The following DOCK9 variants were observed in gnomAD, a reference collection of about 807,000 sequenced individuals.
The protein encoded by DOCK9 is dedicator of cytokinesis 9.
In DOCK9, 89 loss-of-function variants were observed where a neutral mutation model predicts 263.3. The ratio of observed to expected loss-of-function variants is 0.34; its 90% CI spans 0.28 to 0.40. The LOEUF is 0.40. Ranked by LOEUF, DOCK9 falls within the 10% of genes least tolerant of loss-of-function variation. DOCK9 has a pLI of 1.00. For missense variants in DOCK9, 2,140 were observed against 2,603.4 expected, an observed-to-expected ratio of 0.82 and a Z score of 3.87; for synonymous variants, 976 against 973.1, an observed-to-expected ratio of 1.00 and a Z score of -0.06.
chr13:99,080,573 C>T (rs1223756800), intron 1 of DOCK9, among the ~76,000 whole-genome samples: 1 of 152,224 alleles, frequency 6.6e-6, no homozygotes, highest in African/African-American at 2.4e-5. Context: ...TTGCCCAAGC[C>T]GCTCTGCTCC....
intron 9 of DOCK9, among the ~76,000 whole-genome samples, chr13:98,905,073 T>C (rs927761306): frequency 6.6e-6 from 1 of 152,002 alleles, no homozygotes; most frequent in Non-Finnish European, 1.5e-5. Context: ...CCTGGCTGAA[T>C]GAAAAGGATG....
At chr13:98,867,367 T>C in intron 30 of DOCK9, 58 bp downstream of exon 30, 2 of 963,058 alleles carry the variant, frequency 2.1e-6, no homozygotes, top group Non-Finnish European at 3.2e-6. Context: ...TTATCTTTTC[T>C]TATTGAAAAT....
chr13:98,928,010 A>C (rs993051239), intron 3 of DOCK9, among the ~76,000 whole-genome samples: 23 of 105,728 alleles, frequency 2.2e-4, no homozygotes, highest in East Asian at 1.5e-3. Context: ...CATACAAAAA[A>C]AAAAAAAAAC....
intron 45 of DOCK9, among the ~76,000 whole-genome samples, chr13:98,811,987 G>A (rs1166895903): frequency 5.9e-5 from 9 of 152,010 alleles, no homozygotes; most frequent in Non-Finnish European, 1.2e-4. Flanking sequence ...AATACCATTC[G>A]ATGAGAGACT....
intron 9 of DOCK9, among the ~76,000 whole-genome samples, chr13:98,910,235 C>T (rs1462225036): frequency 6.6e-6 from 1 of 152,124 alleles, no homozygotes; most frequent in African/African-American, 2.4e-5. Context: ...TATGTTACTC[C>T]TTGACTTTCT....
chr13:99,003,591 C>A (rs1027980004), intron 1 of DOCK9, among the ~76,000 whole-genome samples: 1 of 152,198 alleles, frequency 6.6e-6, no homozygotes, highest in Non-Finnish European at 1.5e-5. Context: ...TCCATTCCTT[C>A]AGTGCTCCCA....
At chr13:98,823,906 G>A (rs918696068) in intron 45 of DOCK9, among the ~76,000 whole-genome samples, 2 of 152,180 alleles carry the variant, frequency 1.3e-5, no homozygotes, top group African/African-American at 4.8e-5. Context: ...TAGGACCTGC[G>A]CCACAGCACA....
At position 98,829,269 on chromosome 13, in the gene DOCK9, T is replaced by C. The variant is rs1223239199; in HGVS notation, c.4965+38A>G. On this transcript the variant is annotated intron_variant, in intron 43 of 52. Coordinates refer to ENST00000682017, the MANE Select transcript of DOCK9 (RefSeq NM_001366683.2). This position sits in a 1 kb window ranked among gnomAD's most constrained non-coding sequence, Gnocchi z 4.1. ...TAAGTGAATGGGGCCTCACTGGTTTTTTCAAAAACCCATTCAAGCGGCTGG... is the reference window on the plus strand; with the variant it reads ...TAAGTGAATGGGGCCTCACTGGTTTCTTCAAAAACCCATTCAAGCGGCTGG... 1.3e-6 allele frequency: 2 copies of C among 1,568,706 alleles called. No homozygotes were observed. The highest frequency in any genetic ancestry group is 1.7e-6 in the Non-Finnish European group (2 of 1,154,128).
At chr13:98,802,530 G>A (rs1470971324) in intron 49 of DOCK9, among the ~76,000 whole-genome samples, 2 of 152,202 alleles carry the variant, frequency 1.3e-5, no homozygotes, top group Non-Finnish European at 2.9e-5. Context: ...TCCAGGTTTG[G>A]AAGACTCTGG....
chr13:98,842,275 G>C (rs911163970), intron 38 of DOCK9, among the ~76,000 whole-genome samples: 1 of 152,180 alleles, frequency 6.6e-6, no homozygotes, highest in African/African-American at 2.4e-5. Context: ...TGTTTGCACA[G>C]CTCCAGCTGC....
chr13:98,891,728 G>A (rs943471029), intron 15 of DOCK9, among the ~76,000 whole-genome samples: 6 of 151,842 alleles, frequency 4.0e-5, no homozygotes, highest in Non-Finnish European at 5.9e-5. Flanking sequence ...TCTAGTTGCT[G>A]CTTCTGTAAA....
chr13:98,862,789 C>T (rs1279306849), intron 32 of DOCK9, among the ~76,000 whole-genome samples: 4 of 152,158 alleles, frequency 2.6e-5, no homozygotes, highest in African/African-American at 9.7e-5. Context: ...GATGCCACTA[C>T]AAGCCAGAGA....
At chr13:99,028,529 T>C (rs1887012443) in intron 1 of DOCK9, among the ~76,000 whole-genome samples, 1 of 152,090 alleles carries the variant, frequency 6.6e-6, no homozygotes, top group Admixed American at 6.5e-5. Flanking sequence ...AAGTGGCAGA[T>C]ATGCATATTT....
At chr13:98,822,710 C>T (rs750755614) in intron 45 of DOCK9, among the ~76,000 whole-genome samples, 1 of 152,184 alleles carries the variant, frequency 6.6e-6, no homozygotes, top group Non-Finnish European at 1.5e-5. Flanking sequence ...ACCATCCACC[C>T]AGGCCTTTCA....
intron 2 of DOCK9, among the ~76,000 whole-genome samples, chr13:98,931,739 A>C (rs1257173433): frequency 6.6e-6 from 1 of 152,272 alleles, no homozygotes; most frequent in African/African-American, 2.4e-5. Flanking sequence ...CTGGGACTAC[A>C]GGCGGGCGCC....
chr13:98,863,786 T>C (rs189611188), intron 30 of DOCK9, among the ~76,000 whole-genome samples: 15 of 152,180 alleles, frequency 9.9e-5, no homozygotes, highest in African/African-American at 3.4e-4. Context: ...TTAAGTGCAC[T>C]GGATTTTGGA....
intron 1 of DOCK9, among the ~76,000 whole-genome samples, chr13:99,037,113 G>T (rs1033589031): frequency 2.0e-5 from 3 of 151,852 alleles, no homozygotes; most frequent in Non-Finnish European, 4.4e-5. Flanking sequence ...TCTTAAAAGT[G>T]GTTAAAATAG....
intron 1 of DOCK9, among the ~76,000 whole-genome samples, chr13:99,058,801 G>A (rs1441746659): frequency 6.6e-6 from 1 of 152,156 alleles, no homozygotes; most frequent in East Asian, 1.9e-4. Context: ...ACATGTAGCA[G>A]CCACACACGA....
At chr13:99,006,565 A>G (rs1213298089) in intron 1 of DOCK9, among the ~76,000 whole-genome samples, 3 of 152,236 alleles carry the variant, frequency 2.0e-5, no homozygotes, top group South Asian at 2.1e-4. Flanking sequence ...ATAATAAAAT[A>G]CAGTAAGTGA....
Sources: gnomAD v4.1 joint callset for allele counts (sites outside exome capture counted in the v4.1 genomes callset) on GRCh38, gnomAD v4.1.1 for gene constraint, Gnocchi (gnomAD v3.1) non-coding constraint, MANE v1.5 for transcripts, NCBI Gene and HGNC (gene_info 2026-07-23, HGNC 2026-07-21) for gene names.